PALLD: variants seen among roughly 807,000 people sequenced by gnomAD.
PALLD encodes palladin, cytoskeletal associated protein.
A neutral mutation model predicts 123.5 loss-of-function variants in PALLD; 61 were observed. That is an observed-to-expected ratio of 0.49 (90% CI 0.40 to 0.61). PALLD has a LOEUF of 0.61. Among genes scored for constraint, PALLD ranks in the 20% least tolerant of loss-of-function variants. The pLI is 0.00. For missense variants in PALLD, 1,273 were observed against 1,377.0 expected, an observed-to-expected ratio of 0.92 and a Z score of 1.20; for synonymous variants, 465 against 496.4, an observed-to-expected ratio of 0.94 and a Z score of 0.84.
intron 2 of PALLD, among the ~76,000 whole-genome samples, chr4:168,532,652 T>C (rs1001045962): frequency 2.6e-5 from 4 of 152,138 alleles, no homozygotes; most frequent in Non-Finnish European, 5.9e-5. Flanking sequence ...AGGATAAAGC[T>C]AACTATCTTG....
At chr4:168,527,906 G>A (rs1220468370) in intron 2 of PALLD, among the ~76,000 whole-genome samples, 1 of 152,182 alleles carries the variant, frequency 6.6e-6, no homozygotes, top group Non-Finnish European at 1.5e-5. Context: ...GGCCCTCTAA[G>A]TCAAATGAAG....
intron 2 of PALLD, among the ~76,000 whole-genome samples, chr4:168,538,955 C>A (rs534905288): frequency 1.3e-5 from 2 of 152,274 alleles, no homozygotes; most frequent in Non-Finnish European, 2.9e-5. Flanking sequence ...CAGAATTTAG[C>A]CCTCCCCCAG....
At chr4:168,745,434 G>A (rs868246515) in intron 10 of PALLD, among the ~76,000 whole-genome samples, 7 of 133,416 alleles carry the variant, frequency 5.2e-5, no homozygotes, top group South Asian at 2.8e-4. Flanking sequence ...GGGAGGGGGG[G>A]GCAAATAATG....
At chr4:168,619,439 T>G (rs1774540282) in intron 2 of PALLD, among the ~76,000 whole-genome samples, 1 of 152,202 alleles carries the variant, frequency 6.6e-6, no homozygotes, top group South Asian at 2.1e-4. Flanking sequence ...GCCACTTAGC[T>G]GTTTTAAACA....
intron 3 of PALLD, among the ~76,000 whole-genome samples, chr4:168,680,442 A>C (rs1781431566): frequency 7.6e-6 from 1 of 130,810 alleles, no homozygotes. Context: ...AGATTGCGCC[A>C]CTGCACTCCA....
chr4:168,501,237 C>A (rs1761365211), intron 1 of PALLD, among the ~76,000 whole-genome samples: 1 of 151,930 alleles, frequency 6.6e-6, no homozygotes, highest in Non-Finnish European at 1.5e-5. Context: ...TGAAAGGAGA[C>A]CCTATCTCTA....
chr4:168,832,967 C>T (rs1423673307), intron 10 of PALLD: 2 of 152,216 alleles, frequency 1.3e-5, no homozygotes, highest in African/African-American at 4.8e-5. Context: ...GCGTGGGTTC[C>T]CGGCCACGGC....
At chr4:168,784,480 T>A (rs1736400477) in intron 10 of PALLD, among the ~76,000 whole-genome samples, 1 of 152,138 alleles carries the variant, frequency 6.6e-6, no homozygotes, top group Admixed American at 6.5e-5. Context: ...CATGTTGTAT[T>A]GGAGGTACTG....
chr4:168,857,217 G>A (rs999829011), intron 10 of PALLD, among the ~76,000 whole-genome samples: 1 of 152,162 alleles, frequency 6.6e-6, no homozygotes, highest in South Asian at 2.1e-4. Context: ...ATGAGAACTC[G>A]GTGAGTGGGC....
chr4:168,871,996 C>G (rs538439546), intron 10 of PALLD, among the ~76,000 whole-genome samples: 9 of 152,278 alleles, frequency 5.9e-5, no homozygotes, highest in African/African-American at 2.2e-4. Context: ...TGGAAGCCAG[C>G]GGCAGGAGTC....
intron 10 of PALLD, among the ~76,000 whole-genome samples, chr4:168,843,801 TG>T (rs1211136143): frequency 1.3e-5 from 2 of 152,092 alleles, no homozygotes; most frequent in Non-Finnish European, 2.9e-5. Flanking sequence ...CCCGAAAAAC[TG>T]GCAGCAGCTC....
At chr4:168,706,250 G>A (rs1177178436) in intron 8 of PALLD, among the ~76,000 whole-genome samples, 1 of 152,046 alleles carries the variant, frequency 6.6e-6, no homozygotes, top group Non-Finnish European at 1.5e-5. Context: ...GTGGAATTTT[G>A]CAGTATTTCT....
intron 2 of PALLD, among the ~76,000 whole-genome samples, chr4:168,542,308 C>T (rs900827609): frequency 3.3e-5 from 5 of 151,772 alleles, no homozygotes; most frequent in Non-Finnish European, 4.4e-5. Context: ...CCCAGCTACT[C>T]GGGAGGCTGA....
At position 168,625,502 on chromosome 4, in the gene PALLD, G is replaced by GATATATATATATATATATATATATAT. The variant is rs756984622; in HGVS notation, c.909-42672_909-42671insATATATATATATATATATATATATAT. Among the ~76,000 whole-genome samples, 144 of 114,374 alleles carry GATATATATATATATATATATATATAT rather than the reference G, an allele frequency of 1.3e-3. 3 individuals are homozygous for GATATATATATATATATATATATATAT. Among genetic ancestry groups the GATATATATATATATATATATATATAT allele is most frequent in the African/African-American group, 4.4e-3 (131 of 29,940 alleles). 75.0% of individuals were successfully genotyped at this position (114,374 alleles called of 152,430 possible). On this transcript the variant is annotated intron_variant, in intron 2 of 21. Transcript: ENST00000505667. ...TCCAATAAGGGATTAATATCCAGGAGATATATATATATATATCCTATAAGG... is the reference window on the plus strand; with the variant it reads ...TCCAATAAGGGATTAATATCCAGGAGATATATATATATATATATATATATATATATATATATATATATCCTATAAGG...
chr4:168,611,590 T>A (rs888822584), intron 2 of PALLD, among the ~76,000 whole-genome samples: 7 of 152,350 alleles, frequency 4.6e-5, no homozygotes, highest in Non-Finnish European at 8.8e-5. Context: ...TAAGCAAAAC[T>A]GAGGTCCTTG....
At chr4:168,619,285 G>T (rs1471976355) in intron 2 of PALLD, among the ~76,000 whole-genome samples, 1 of 152,224 alleles carries the variant, frequency 6.6e-6, no homozygotes, top group African/African-American at 2.4e-5. Context: ...AAGTGTGAAG[G>T]GGCTGATATG....
intron 2 of PALLD, among the ~76,000 whole-genome samples, chr4:168,638,449 C>CTGT (rs1166737668): frequency 6.6e-6 from 1 of 152,170 alleles, no homozygotes; most frequent in Non-Finnish European, 1.5e-5. Flanking sequence ...GTCTCCTCAG[C>CTGT]TGTTCTGAGT....
At chr4:168,792,448 A>G (rs1160006145) in intron 10 of PALLD, among the ~76,000 whole-genome samples, 1 of 151,770 alleles carries the variant, frequency 6.6e-6, no homozygotes, top group Non-Finnish European at 1.5e-5. Flanking sequence ...CGTGTCCCCC[A>G]CTCTGAGTCT....
intron 10 of PALLD, among the ~76,000 whole-genome samples, chr4:168,888,651 C>T (rs1270561224): frequency 6.6e-6 from 1 of 152,296 alleles, no homozygotes; most frequent in East Asian, 1.9e-4. Context: ...GACTACCCCC[C>T]ACTCCTCCAG....
Sources: gnomAD v4.1 joint callset for allele counts (sites outside exome capture counted in the v4.1 genomes callset) on GRCh38, gnomAD v4.1.1 for gene constraint, MANE v1.5 for transcripts, NCBI Gene and HGNC (gene_info 2026-07-23, HGNC 2026-07-21) for gene names.